Variants in MLPH observed in about 807,000 individuals in gnomAD.
MLPH encodes the protein melanophilin.
MLPH carries 51 observed loss-of-function variants against 72.1 expected under a neutral mutation model. That is an observed-to-expected ratio of 0.71 (90% CI 0.56 to 0.89). The LOEUF (loss-of-function observed/expected upper bound fraction) is 0.89, where lower values mean the gene tolerates loss of function less well. Among genes scored for constraint, MLPH ranks in the 40% least tolerant of loss-of-function variants. MLPH has a pLI of 0.00. For synonymous variants in MLPH, 301 were observed against 310.1 expected (o/e 0.97, Z 0.31); for missense variants, 743 against 759.9 (o/e 0.98, Z 0.26).
intron 2 of MLPH, among the ~76,000 whole-genome samples, chr2:237,498,381 T>C (rs1321257212): frequency 6.6e-6 from 1 of 152,202 alleles, no homozygotes; most frequent in Non-Finnish European, 1.5e-5. Flanking sequence ...AGGTGACGCC[T>C]GCGCCTTTTC....
intron 14 of MLPH, among the ~76,000 whole-genome samples, chr2:237,551,316 C>A (rs1478229896): frequency 6.6e-6 from 1 of 152,276 alleles, no homozygotes; most frequent in Non-Finnish European, 1.5e-5. Context: ...CAGGAGCACG[C>A]TGCTGAGCCA....
intron 12 of MLPH, among the ~76,000 whole-genome samples, chr2:237,545,263 C>A (rs1408795214): frequency 6.7e-6 from 1 of 148,470 alleles, no homozygotes; most frequent in Non-Finnish European, 1.5e-5. Context: ...GGGAACACAG[C>A]AACCCAGTTG....
At chr2:237,494,045 G>A (rs2079483741) in intron 2 of MLPH, among the ~76,000 whole-genome samples, 1 of 152,142 alleles carries the variant, frequency 6.6e-6, no homozygotes, top group African/African-American at 2.4e-5. Context: ...TCTATCCACT[G>A]CGCATCTTCC....
chr2:237,496,769 G>A (rs2079544446), intron 2 of MLPH, among the ~76,000 whole-genome samples: 1 of 152,220 alleles, frequency 6.6e-6, no homozygotes, highest in Non-Finnish European at 1.5e-5. Context: ...GGCCGCATGA[G>A]CGTAGAGTAC....
At chr2:237,496,717 G>T (rs13410662) in intron 2 of MLPH, among the ~76,000 whole-genome samples, 14 of 152,098 alleles carry the variant, frequency 9.2e-5, no homozygotes, top group Middle Eastern at 3.4e-3. Context: ...ATGTGATTAG[G>T]GGGGGGCTTG....
chr2:237,495,519 G>A (rs1271767386), intron 2 of MLPH, among the ~76,000 whole-genome samples: 1 of 152,204 alleles, frequency 6.6e-6, no homozygotes, highest in Non-Finnish European at 1.5e-5. Flanking sequence ...GAGAGAGAAG[G>A]AGCAGTAGAA....
intron 8 of MLPH, among the ~76,000 whole-genome samples, chr2:237,528,154 CAG>C (rs1389678171): frequency 6.6e-6 from 1 of 152,088 alleles, no homozygotes; most frequent in African/African-American, 2.4e-5. Context: ...TGAATGGGCA[CAG>C]AGTCTCTGCT....
In MLPH at chr2:237,505,727, G is replaced by T. The variant is rs574420943; in HGVS notation, c.111-4847G>T. Among the ~76,000 whole-genome samples, 1 of 152,104 alleles carries T rather than the reference G, an allele frequency of 6.6e-6. No homozygotes were observed. The highest frequency in any genetic ancestry group is 1.5e-5 in the Non-Finnish European group (1 of 68,022). On this transcript the variant is annotated intron_variant, in intron 2 of 15. Coordinates refer to ENST00000264605, the MANE Select transcript of MLPH (RefSeq NM_024101.7). The surrounding 1 kb of genome is among the most constrained non-coding windows in gnomAD (Gnocchi z 4.5). ...GGAGCGGCCTTTCCTTCCTGTTCCC[G>T]TCCTAGAAGCGTTTTCCTTCCCTGG...
chr2:237,533,854 C>T (rs74001395), intron 8 of MLPH, among the ~76,000 whole-genome samples: 5,228 of 152,332 alleles, frequency 0.034, 314 homozygotes, highest in African/African-American at 0.12. Context: ...CCACTCAAAG[C>T]CCTTGGTGCT....
chr2:237,515,887 T>C (rs74001384), intron 4 of MLPH, among the ~76,000 whole-genome samples: 30,341 of 152,122 alleles, frequency 0.2, 3,688 homozygotes, highest in African/African-American at 0.34. Flanking sequence ...TTTCCCACTC[T>C]CACTCACTGC....
intron 7 of MLPH, 62 bp downstream of exon 7, chr2:237,525,867 A>C: frequency 1.3e-6 from 2 of 1,506,144 alleles, no homozygotes; most frequent in Non-Finnish European, 1.8e-6. Flanking sequence ...GTCACTGAGG[A>C]ACAACCCCAC....
chr2:237,539,719 G>A (rs2080625642), intron 9 of MLPH, among the ~76,000 whole-genome samples: 1 of 152,176 alleles, frequency 6.6e-6, no homozygotes, highest in South Asian at 2.1e-4. Flanking sequence ...TTGCAGGTTG[G>A]ATACTGCTAT....
intron 8 of MLPH, 146 bp from the exon 9 acceptor site, chr2:237,534,418 A>C: frequency 1.4e-6 from 1 of 728,542 alleles, no homozygotes; most frequent in Non-Finnish European, 2.5e-6. Flanking sequence ...TTCACAATTA[A>C]CCTTCCCAGG....
chr2:237,502,442 T>C (rs888710035), intron 2 of MLPH, among the ~76,000 whole-genome samples: 3 of 152,150 alleles, frequency 2.0e-5, no homozygotes, highest in African/African-American at 4.8e-5. Context: ...GGAGCTTGCA[T>C]TGGTGCTGAT....
At chr2:237,511,266 GC>G (rs2079896588) in intron 4 of MLPH, 165 bp downstream of exon 4, 16 of 530,318 alleles carry the variant, frequency 3.0e-5, no homozygotes, top group Admixed American at 1.4e-4. Flanking sequence ...GCTTCTGGCT[GC>G]TTTTTTTTTT....
intron 4 of MLPH, 169 bp from the exon 5 acceptor site, chr2:237,518,370 G>A (rs2080097998): frequency 1.0e-5 from 7 of 703,456 alleles, no homozygotes; most frequent in Non-Finnish European, 1.8e-5. Context: ...TTGGTAGATG[G>A]GTAGATGGAG....
chr2:237,489,164 G>A (rs2079379236), intron 1 of MLPH, among the ~76,000 whole-genome samples: 1 of 152,260 alleles, frequency 6.6e-6, no homozygotes, highest in Non-Finnish European at 1.5e-5. Flanking sequence ...CCACCTCTCA[G>A]CACCATCCTC....
At chr2:237,496,898 A>G (rs1260799572) in intron 2 of MLPH, among the ~76,000 whole-genome samples, 1 of 152,314 alleles carries the variant, frequency 6.6e-6, no homozygotes, top group African/African-American at 2.4e-5. Flanking sequence ...TTACTATGAG[A>G]GTACATGTCA....
chr2:237,541,601 T>A lies in MLPH; in HGVS notation c.1446+644T>A, dbSNP rs1194135684. ...ACAAAGGGCACGTCCCCTAGAGCTG[T>A]TCAAGGGGAGCGAGTCAGGCTCTGG... On this transcript the variant is annotated intron_variant, in intron 11 of 15. Transcript: ENST00000264605. This position sits in a 1 kb window ranked among gnomAD's most constrained non-coding sequence, Gnocchi z 5.1. Among the ~76,000 whole-genome samples, 1 of 152,226 alleles carries A rather than the reference T, an allele frequency of 6.6e-6. No individual in the cohort carries two copies. The highest frequency in any genetic ancestry group is 1.5e-5 in the Non-Finnish European group (1 of 68,038).
Sources: allele counts gnomAD v4.1 joint callset (sites outside exome capture counted in the v4.1 genomes callset), GRCh38; gene constraint gnomAD v4.1.1; non-coding constraint Gnocchi (gnomAD v3.1); transcripts MANE v1.5; gene names NCBI Gene and HGNC (gene_info 2026-07-23, HGNC 2026-07-21).